TAOK3: variants seen among roughly 807,000 people sequenced by gnomAD.
TAOK3 encodes the protein TAO kinase 3.
In TAOK3, 40 loss-of-function variants were observed where a neutral mutation model predicts 120.4. The ratio of observed to expected loss-of-function variants is 0.33; its 90% CI spans 0.26 to 0.43. The LOEUF is 0.43. TAOK3 is among the 20% of genes least tolerant of loss of function. The probability of loss-of-function intolerance (pLI) is 1.00; values close to 1 mark genes in which losing one functional copy is unlikely to be tolerated. For missense variants in TAOK3, 821 were observed against 1,112.1 expected (o/e 0.74, Z 3.72); for synonymous variants, 355 against 387.5 (o/e 0.92, Z 0.99).
intron 1 of TAOK3, among the ~76,000 whole-genome samples, chr12:118,360,588 A>AAG (rs2045564432): frequency 2.0e-5 from 3 of 151,498 alleles, no homozygotes; most frequent in African/African-American, 7.3e-5. Flanking sequence ...AAAAAAAAAA[A>AAG]GTATGTGATT....
In TAOK3 at chr12:118,160,247, T is replaced by G; in HGVS notation, c.2251A>C (p.Lys751Gln). 6.2e-7 allele frequency: 1 copy of G among 1,614,272 alleles called. No individual in the cohort carries two copies. Among genetic ancestry groups the G allele is most frequent in the Non-Finnish European group, 8.5e-7 (1 of 1,180,044 alleles). Residue 751 changes from lysine (K) to glutamine (Q), a missense_variant, in exon 19 of 21, where the codon AAA becomes CAA. This residue lies in a region of TAOK3 where 354 missense variants were observed against 572.1 expected (regional missense o/e 0.62). Coordinates refer to ENST00000392533, the MANE Select transcript of TAOK3 (RefSeq NM_016281.4). This position sits in a 1 kb window ranked among gnomAD's most constrained non-coding sequence, Gnocchi z 4.2. ...TCTTTCAGTGTCTTTAAGATTGTTT[T>G]GTGCTCATTCTTTGGAGTAACTTCC... ...QLEVTPKNEH[K>Q]TILKTLKDEQ... is the part of the protein sequence containing the mutation.
At chr12:118,240,345 A>G (rs1334033227) in intron 5 of TAOK3, among the ~76,000 whole-genome samples, 1 of 151,376 alleles carries the variant, frequency 6.6e-6, no homozygotes, top group African/African-American at 2.4e-5. Flanking sequence ...ACACGCGGCT[A>G]ATTTTGTATT....
At chr12:118,285,391 C>CA (rs2042232055) in intron 1 of TAOK3, among the ~76,000 whole-genome samples, 1 of 151,144 alleles carries the variant, frequency 6.6e-6, no homozygotes. Flanking sequence ...TTGCTCTTGT[C>CA]CCCCAGGCTG....
intron 2 of TAOK3, among the ~76,000 whole-genome samples, chr12:118,265,409 A>G (rs2140260252): frequency 6.6e-6 from 1 of 151,832 alleles, no homozygotes; most frequent in Non-Finnish European, 1.5e-5. Context: ...AAAAAAAAAA[A>G]AAAAAGCTAT....
chr12:118,336,763 A>G (rs2044383021), intron 1 of TAOK3, among the ~76,000 whole-genome samples: 1 of 152,166 alleles, frequency 6.6e-6, no homozygotes, highest in African/African-American at 2.4e-5. Flanking sequence ...ACAGCAAAAA[A>G]AACTCCAATT....
chr12:118,367,575 A>C (rs1223398929), intron 1 of TAOK3, among the ~76,000 whole-genome samples: 1 of 152,192 alleles, frequency 6.6e-6, no homozygotes, highest in Admixed American at 6.5e-5. Context: ...AAAAACTTTT[A>C]ACATAGCTTA....
At position 118,199,256 on chromosome 12, in the gene TAOK3, T is replaced by C; in HGVS notation, c.989A>G (p.Asp330Gly). 4.3e-6 allele frequency: 7 copies of C among 1,612,486 alleles called. No individual in the cohort carries two copies. The highest frequency in any genetic ancestry group is 5.9e-6 in the Non-Finnish European group (7 of 1,178,678). Residue 330 changes from aspartate (D) to glycine (G), a missense_variant and splice_region_variant, in exon 13 of 21, where the codon GAC becomes GGC. Transcript: ENST00000392533. ...GTTCAGGCTGGTTCCATGTTCACTG[T>C]CCTGTAAAAATGGGGCACTGAGGTT... ...PLNESQEDEEDSEHGTSLNRE... is the reference protein window; with the variant it reads ...PLNESQEDEEGSEHGTSLNRE...
intron 1 of TAOK3, among the ~76,000 whole-genome samples, chr12:118,329,422 T>C (rs1374957638): frequency 1.3e-5 from 2 of 152,068 alleles, no homozygotes; most frequent in East Asian, 3.9e-4. Flanking sequence ...TCCAACAAAA[T>C]GTCAAAAATA....
At chr12:118,225,704 G>A (rs1323832136) in intron 9 of TAOK3, among the ~76,000 whole-genome samples, 1 of 152,056 alleles carries the variant, frequency 6.6e-6, no homozygotes. Flanking sequence ...AACTATAAGA[G>A]GCTGTTGCCT....
intron 1 of TAOK3, among the ~76,000 whole-genome samples, chr12:118,368,989 T>G (rs2045823295): frequency 7.5e-6 from 1 of 134,088 alleles, no homozygotes; most frequent in African/African-American, 2.8e-5. Flanking sequence ...TGAAATCCCA[T>G]CTCTACTAAA....
At chr12:118,311,886 T>C (rs1323618019) in intron 1 of TAOK3, among the ~76,000 whole-genome samples, 18 of 151,964 alleles carry the variant, frequency 1.2e-4, no homozygotes, top group Admixed American at 8.5e-4. Context: ...AAACAGGGAA[T>C]AAAACATGAT....
intron 17 of TAOK3, among the ~76,000 whole-genome samples, chr12:118,166,847 TACACACAC>T (rs200569755): frequency 2.0e-4 from 27 of 135,316 alleles, no homozygotes; most frequent in Non-Finnish European, 3.3e-4. Flanking sequence ...CACACACACA[TACACACAC>T]ACACACACAC....
chr12:118,327,459 A>C (rs1043034964), intron 1 of TAOK3, among the ~76,000 whole-genome samples: 1 of 152,228 alleles, frequency 6.6e-6, no homozygotes, highest in African/African-American at 2.4e-5. Flanking sequence ...CTTTGAAAGA[A>C]AAACATATAT....
At position 118,181,356 on chromosome 12, in the gene TAOK3, T is replaced by G. The variant is rs1191639684; in HGVS notation, c.1566+15A>C. ...GGCTTGGTTGTGGCATGAAGGCGTG[T>G]GTGCACATACTGACCTCCTTTTCTA... On this transcript the variant is annotated intron_variant, in intron 15 of 20. Transcript: ENST00000392533. 4 of 1,599,908 alleles carry G rather than the reference T, an allele frequency of 2.5e-6. No individual in the cohort carries two copies. The African/African-American group carries it at 4.0e-5, about 16-fold the overall frequency.
Position 118,179,556 on chromosome 12 carries a change from C to T in TAOK3, c.1566+1815G>A, listed in dbSNP as rs368647503. Reference sequence around the variant, plus strand: ...GGCAGATGTATACATATGTAACAAACCTGCACGTTGTGCACATGTACCCTA... The same window carrying T: ...GGCAGATGTATACATATGTAACAAATCTGCACGTTGTGCACATGTACCCTA... On this transcript the variant is annotated intron_variant, in intron 15 of 20. Coordinates refer to ENST00000392533, the MANE Select transcript of TAOK3 (RefSeq NM_016281.4). Among the ~76,000 whole-genome samples, 3 of 152,074 alleles carry T rather than the reference C, an allele frequency of 2.0e-5. No homozygotes were observed. The East Asian group carries it at 5.8e-4, about 29-fold the overall frequency.
intron 1 of TAOK3, among the ~76,000 whole-genome samples, chr12:118,335,470 AG>A (rs1429531193): frequency 6.6e-6 from 1 of 152,146 alleles, no homozygotes; most frequent in African/African-American, 2.4e-5. Flanking sequence ...TGTAATGAAA[AG>A]CCTCCTGGAA....
Position 118,172,397 on chromosome 12 carries a change from A to G in TAOK3, c.1899+60T>C, listed in dbSNP as rs547272949. ...AATGGACCAGGCAGACATGGTCACA[A>G]GCCTCACATAGCATATTGTCTCCTA... On this transcript the variant is annotated intron_variant, in intron 17 of 20. Transcript: ENST00000392533. The G allele has an allele frequency of 2.6e-5, 41 of 1,556,152 alleles. No individual in the cohort carries two copies. The African/African-American group carries it at 5.4e-4, about 21-fold the overall frequency.
chr12:118,265,394 G>GAA (rs35810306), intron 2 of TAOK3, among the ~76,000 whole-genome samples: 25 of 68,588 alleles, frequency 3.6e-4, no homozygotes, highest in African/African-American at 7.3e-4. Flanking sequence ...GTCTCAGGAA[G>GAA]AAAAAAAAAA....
chr12:118,185,010 G>C (rs898618144), intron 14 of TAOK3, among the ~76,000 whole-genome samples: 5 of 152,006 alleles, frequency 3.3e-5, no homozygotes, highest in Admixed American at 6.6e-5. Flanking sequence ...CTGATGCCAG[G>C]CTCTGCGAAG....
Sources: gnomAD v4.1 joint callset for allele counts (sites outside exome capture counted in the v4.1 genomes callset) on GRCh38, gnomAD v4.1.1 for gene constraint, gnomAD v4.1.1 regional missense constraint, Gnocchi (gnomAD v3.1) non-coding constraint, MANE v1.5 for transcripts, NCBI Gene and HGNC (gene_info 2026-07-23, HGNC 2026-07-21) for gene names.